Variants in PRR29 observed in about 807,000 individuals in gnomAD.
PRR29 encodes proline-rich protein 29.
A neutral mutation model predicts 25.1 loss-of-function variants in PRR29; 20 were observed. That is an observed-to-expected ratio of 0.80 (90% confidence interval 0.56 to 1.16). The LOEUF (loss-of-function observed/expected upper bound fraction) is 1.16. Ranked by LOEUF, PRR29 falls within the 50% of genes most tolerant of loss-of-function variation. The pLI is 0.00. For synonymous variants in PRR29, 108 were observed against 102.6 expected, an observed-to-expected ratio of 1.05 and a Z score of -0.32; for missense variants, 238 against 246.6, an observed-to-expected ratio of 0.97 and a Z score of 0.23.
chr17:64,002,414 T>G lies in PRR29; in HGVS notation c.*653T>G. 2.5e-6 allele frequency: 1 copy of G among 404,816 alleles called. No individual in the cohort carries two copies. Among genetic ancestry groups the G allele is most frequent in the Non-Finnish European group, 4.6e-6 (1 of 218,954 alleles). The allele number at this position is 404,816 out of a possible 1,614,324, so 25.1% of individuals were successfully genotyped here. On this transcript the variant is annotated 3_prime_UTR_variant, in exon 6 of 6. Transcript: ENST00000412177. ...CTCTGCCCCCTGGGCCAGGGTGTGTTTCCCCCACCCTCCCTCAGTAGCAAT... is the reference window on the plus strand; with the variant it reads ...CTCTGCCCCCTGGGCCAGGGTGTGTGTCCCCCACCCTCCCTCAGTAGCAAT...
In PRR29 at chr17:64,003,590, G is replaced by A. The variant is rs1910961515; in HGVS notation, c.*1829G>A. The A allele has an allele frequency of 8.5e-6, 13 of 1,528,346 alleles. No homozygotes were observed. The highest frequency in any genetic ancestry group is 4.5e-5 in the East Asian group (2 of 44,288). 94.7% of individuals were successfully genotyped at this position (1,528,346 alleles called of 1,614,324 possible). A position where few individuals can be genotyped will look rare whatever the true frequency, so the allele number is the denominator to read the frequency against. On this transcript the variant is annotated 3_prime_UTR_variant, in exon 6 of 6. Coordinates refer to ENST00000412177, the MANE Select transcript of PRR29 (RefSeq NM_001164257.2). ...TGGGACTCAAGATTTTTCTTCCCCC[G>A]AGGGGCTGAAAGTGACTTATCACTC...
chr17:64,003,027 G>C lies in PRR29; in HGVS notation c.*1266G>C, dbSNP rs1157822602. 2.0e-6 allele frequency: 2 copies of C among 1,003,138 alleles called. No homozygotes were observed. Among genetic ancestry groups the C allele is most frequent in the African/African-American group, 1.6e-5 (1 of 61,408 alleles). 62.1% of individuals were successfully genotyped at this position (1,003,138 alleles called of 1,614,324 possible). On this transcript the variant is annotated 3_prime_UTR_variant, in exon 6 of 6. Coordinates refer to ENST00000412177, the MANE Select transcript of PRR29 (RefSeq NM_001164257.2). ...CCCCCAACCCAGACCCCCAGACCCC[G>C]CCGCCCGCTCATGCATCCAGCAGTC...
chr17:64,002,270 GC>G lies in PRR29; in HGVS notation c.*515del, dbSNP rs1359678762. 34 of 506,564 alleles carry G rather than the reference GC, an allele frequency of 6.7e-5. 1 individual carries two copies. The highest frequency in any genetic ancestry group is 3.7e-4 in the South Asian group (16 of 43,266). 31.4% of individuals were successfully genotyped at this position (506,564 alleles called of 1,614,324 possible). On this transcript the variant is annotated 3_prime_UTR_variant, in exon 6 of 6. Coordinates refer to ENST00000412177, the MANE Select transcript of PRR29 (RefSeq NM_001164257.2). The stretch of plus-strand genomic sequence containing the variant: ...CCCCTGAGCAGAGTCAGTTCGCTGG[GC>G]CCCCCACCCCTCATCCCAGGAAGCA...
chr17:64,000,927 C>T, intron 3 of PRR29, 157 bp from the exon 4 acceptor site: 3 of 660,846 alleles, frequency 4.5e-6, no homozygotes, highest in Non-Finnish European at 7.9e-6. Flanking sequence ...CGGCCTCCCA[C>T]AGTGCTGGGA....
rs1163563048 is a variant in PRR29, at chr17:63,998,800, C to T, written c.136+18C>T. The T allele has an allele frequency of 5.3e-6, 6 of 1,134,684 alleles. No homozygotes were observed. Among genetic ancestry groups the T allele is most frequent in the Non-Finnish European group, 7.7e-6 (6 of 784,184 alleles). The allele number at this position is 1,134,684 out of a possible 1,614,324, so 70.3% of individuals were successfully genotyped here. A position where few individuals can be genotyped will look rare whatever the true frequency, so the allele number is the denominator to read the frequency against. ...GAAGGAAGGTGAGACTCCCGGGTCC[C>T]CCCACCCCACCCCCACCATCACCAC... On this transcript the variant is annotated intron_variant, in intron 2 of 5. Coordinates refer to ENST00000412177, the MANE Select transcript of PRR29 (RefSeq NM_001164257.2).
At chr17:63,999,397 G>T in intron 3 of PRR29, 1 of 437,996 alleles carries the variant, frequency 2.3e-6, no homozygotes, top group Non-Finnish European at 4.1e-6. Flanking sequence ...GTCTGGCCTG[G>T]TGCCTGACAC....
Position 64,002,100 on chromosome 17 carries a change from C to G in PRR29, c.*339C>G, listed in dbSNP as rs1295972238. 2 of 1,112,156 alleles carry G rather than the reference C, an allele frequency of 1.8e-6. No individual in the cohort carries two copies. The highest frequency in any genetic ancestry group is 3.1e-5 in the African/African-American group (2 of 63,856). 68.9% of individuals were successfully genotyped at this position (1,112,156 alleles called of 1,614,324 possible). ...CCCACCCTCTCTCCCTCACCCCTCT[C>G]TCTGGGATGATGAGGTCTCCTTCCA... On this transcript the variant is annotated 3_prime_UTR_variant, in exon 6 of 6. Coordinates refer to ENST00000412177, the MANE Select transcript of PRR29 (RefSeq NM_001164257.2).
rs1455350049 is a variant in PRR29, at chr17:64,002,749, A to G, written c.*988A>G. The G allele has an allele frequency of 1.2e-6, 2 of 1,610,892 alleles. No individual in the cohort carries two copies. Among genetic ancestry groups the G allele is most frequent in the Non-Finnish European group, 8.5e-7 (1 of 1,179,522 alleles). On this transcript the variant is annotated 3_prime_UTR_variant, in exon 6 of 6. Coordinates refer to ENST00000412177, the MANE Select transcript of PRR29 (RefSeq NM_001164257.2). The stretch of plus-strand genomic sequence containing the variant: ...GGTGGCCATGCCACTCATGGTTGCT[A>G]TGGCCGGAAGGCCTGGGGCAGCCTC...
chr17:63,999,381 A>G (rs1910414481), intron 3 of PRR29: 1 of 466,600 alleles, frequency 2.1e-6, no homozygotes, highest in Admixed American at 3.8e-5. Context: ...CCCATGCATC[A>G]TGAGCGTCTG....
In PRR29 at chr17:64,001,199, CG is replaced by C. The variant is rs773029580; in HGVS notation, c.362del (p.Gly121ValfsTer37). On this transcript the variant is annotated frameshift_variant, in exon 4 of 6. Coordinates refer to ENST00000412177, the MANE Select transcript of PRR29 (RefSeq NM_001164257.2). LOFTEE classifies it high-confidence loss of function. ...HHYLPYLMPS[P>X]GALLPWPAPF... ...TACTTGCCCTATTTGATGCCCTCCCCGGGTGCCCTGCTGCCCTGGCCAGCCC... is the reference window on the plus strand; with the variant it reads ...TACTTGCCCTATTTGATGCCCTCCCCGGTGCCCTGCTGCCCTGGCCAGCCC... 3.0e-4 allele frequency: 458 copies of C among 1,537,438 alleles called. 5 individuals carry two copies. The South Asian group carries it at 5.3e-3, about 18-fold the overall frequency.
At chr17:63,999,147 C>A in intron 3 of PRR29, 73 bp downstream of exon 3, 3 of 1,195,604 alleles carry the variant, frequency 2.5e-6, no homozygotes, top group Non-Finnish European at 2.4e-6. Context: ...GGTTCCTGTT[C>A]AGGGGGGAAA....
At chr17:64,000,452 C>G (rs1186149489) in intron 3 of PRR29, among the ~76,000 whole-genome samples, 1 of 152,160 alleles carries the variant, frequency 6.6e-6, no homozygotes, top group Non-Finnish European at 1.5e-5. Context: ...GCCCCAGCCT[C>G]CCGAGTAGCT....
rs376582987 is a variant in PRR29, at chr17:64,001,246, T to G, written c.406T>G (p.Cys136Gly). Reference protein sequence around the residue: ...WPAPFFPTPACQPYLQDVPRI... With the variant: ...WPAPFFPTPAGQPYLQDVPRI... ...AGCCCCCTTCTTCCCCACCCCTGCT[T>G]GTCAGCCCTACTTGCAGGACGTGCC... The change falls in exon 4 of 6, where the codon TGT (cysteine) becomes GGT (glycine). Residue 136 changes from cysteine (C) to glycine (G), a missense_variant. Cys to Gly is a radical substitution (Grantham distance 159). Transcript: ENST00000412177. 1.6e-3 allele frequency: 2,414 copies of G among 1,537,262 alleles called. 3 individuals are homozygous for G. The highest frequency in any genetic ancestry group is 2.0e-3 in the Non-Finnish European group (2,301 of 1,146,880).
In PRR29 at chr17:64,003,837, G is replaced by T. The variant is rs781150023; in HGVS notation, c.*2076G>T. On this transcript the variant is annotated 3_prime_UTR_variant, in exon 6 of 6. Transcript: ENST00000412177. ...AGGTCTCATAGTGCAGAGTCTCATT[G>T]CCACGGAACAGGAAGAGGGTGAGGC... The T allele has an allele frequency of 9.9e-6, 16 of 1,614,108 alleles. No individual in the cohort carries two copies. Among genetic ancestry groups the T allele is most frequent in the Non-Finnish European group, 1.4e-5 (16 of 1,180,056 alleles).
Position 64,001,784 on chromosome 17 carries a change from C to A in PRR29, c.*23C>A. ...TGAGGACAGACCCCGGCCCTGGGAA[C>A]TGCACCAGCTTCCTGCTCTGGATAC... On this transcript the variant is annotated 3_prime_UTR_variant, in exon 6 of 6. Transcript: ENST00000412177. 6.5e-7 allele frequency: 1 copy of A among 1,537,148 alleles called. No individual in the cohort carries two copies. Among genetic ancestry groups the A allele is most frequent in the Non-Finnish European group, 8.7e-7 (1 of 1,146,882 alleles).
Position 64,002,186 on chromosome 17 carries a change from C to T in PRR29, c.*425C>T. 1 of 685,648 alleles carries T rather than the reference C, an allele frequency of 1.5e-6. No homozygotes were observed. The highest frequency in any genetic ancestry group is 2.4e-6 in the Non-Finnish European group (1 of 417,114). 42.5% of individuals were successfully genotyped at this position (685,648 alleles called of 1,614,324 possible). ...CTTCTGCTTTCCACAGCTTTGAAGGCCCCTTTGAGGTGGCTGGAGGGGCCC... is the reference window on the plus strand; with the variant it reads ...CTTCTGCTTTCCACAGCTTTGAAGGTCCCTTTGAGGTGGCTGGAGGGGCCC... On this transcript the variant is annotated 3_prime_UTR_variant, in exon 6 of 6. Transcript: ENST00000412177.
At position 64,001,234 on chromosome 17, in the gene PRR29, C is replaced by T. The variant is rs779348058; in HGVS notation, c.394C>T (p.Pro132Ser). The change falls in exon 4 of 6, where the codon CCC (proline) becomes TCC (serine). Residue 132 changes from proline to serine, a missense_variant. Transcript: ENST00000412177. ...GCTGCCCTGGCCAGCCCCCTTCTTCCCCACCCCTGCTTGTCAGCCCTACTT... is the reference window on the plus strand; with the variant it reads ...GCTGCCCTGGCCAGCCCCCTTCTTCTCCACCCCTGCTTGTCAGCCCTACTT... ...ALLPWPAPFF[P>S]TPACQPYLQD... is the part of the protein sequence containing the mutation. 1.0e-5 allele frequency: 16 copies of T among 1,537,408 alleles called. No homozygotes were observed. The South Asian group carries it at 1.8e-4, about 17-fold the overall frequency.
At chr17:64,000,755 C>T in intron 3 of PRR29, 1 of 310,426 alleles carries the variant, frequency 3.2e-6, no homozygotes, top group Non-Finnish European at 6.2e-6. Flanking sequence ...CGGGTTCACG[C>T]CATTCTCCTG....
At position 64,003,371 on chromosome 17, in the gene PRR29, T is replaced by C; in HGVS notation, c.*1610T>C. On this transcript the variant is annotated 3_prime_UTR_variant, in exon 6 of 6. Transcript: ENST00000412177. The stretch of plus-strand genomic sequence containing the variant: ...GGCAGTCAGGCCAAACTTCTCATTG[T>C]GGAGGGGAGCCAAGGCCAGGGAGAG... The C allele has an allele frequency of 4.0e-6, 2 of 502,370 alleles. No homozygotes were observed. The highest frequency in any genetic ancestry group is 4.6e-5 in the South Asian group (2 of 43,514). The allele number at this position is 502,370 out of a possible 1,614,324, so 31.1% of individuals were successfully genotyped here.
Sources: gnomAD v4.1 joint callset for allele counts (sites outside exome capture counted in the v4.1 genomes callset) on GRCh38, gnomAD v4.1.1 for gene constraint, MANE v1.5 for transcripts, NCBI Gene and HGNC (gene_info 2026-07-23, HGNC 2026-07-21) for gene names.